Variants in GRID1 observed in about 807,000 individuals in gnomAD.
GRID1 encodes the protein glutamate ionotropic receptor delta type subunit 1.
A neutral mutation model predicts 98.0 loss-of-function variants in GRID1; 28 were observed. The ratio of observed to expected loss-of-function variants is 0.29; its 90% CI spans 0.21 to 0.39. GRID1 has a LOEUF of 0.39. Ranked by LOEUF, GRID1 falls within the 10% of genes least tolerant of loss-of-function variation. The pLI, the probability that GRID1 is intolerant of heterozygous loss-of-function variation, is 1.00. For missense variants in GRID1, 1,111 were observed against 1,340.5 expected (o/e 0.83, Z 2.67); for synonymous variants, 553 against 538.5 (o/e 1.03, Z -0.37).
chr10:85,974,614 C>G (rs1250383157), intron 4 of GRID1, among the ~76,000 whole-genome samples: 2 of 152,174 alleles, frequency 1.3e-5, no homozygotes, highest in African/African-American at 4.8e-5. Context: ...GAGCACTATG[C>G]TAAATATGCT....
intron 4 of GRID1, among the ~76,000 whole-genome samples, chr10:86,106,098 A>G (rs561723134): frequency 6.6e-6 from 1 of 152,300 alleles, no homozygotes; most frequent in Non-Finnish European, 1.5e-5. Flanking sequence ...GAGCTCCCCA[A>G]GTGTCTGTCC....
intron 5 of GRID1, among the ~76,000 whole-genome samples, chr10:85,877,711 C>T (rs1032246413): frequency 4.6e-5 from 7 of 152,224 alleles, no homozygotes; most frequent in African/African-American, 1.7e-4. Context: ...AAAAGCAGAG[C>T]ACCTCTCCTC....
chr10:85,765,681 A>G (rs1590221758), intron 8 of GRID1, among the ~76,000 whole-genome samples: 1 of 152,252 alleles, frequency 6.6e-6, no homozygotes, highest in Non-Finnish European at 1.5e-5. Flanking sequence ...AAGATATCAC[A>G]TTATTTATAT....
At chr10:86,030,839 G>A (rs1212357807) in intron 4 of GRID1, among the ~76,000 whole-genome samples, 1 of 152,204 alleles carries the variant, frequency 6.6e-6, no homozygotes, top group African/African-American at 2.4e-5. Context: ...AGACAAGCAA[G>A]CTGGGAGCTT....
chr10:85,996,044 A>G (rs185172338), intron 4 of GRID1, among the ~76,000 whole-genome samples: 2 of 152,380 alleles, frequency 1.3e-5, no homozygotes, highest in Admixed American at 1.3e-4. Flanking sequence ...ACCTGAGCTG[A>G]CATTGGTAAC....
At chr10:85,719,917 C>T (rs1197858722) in intron 12 of GRID1, among the ~76,000 whole-genome samples, 5 of 151,938 alleles carry the variant, frequency 3.3e-5, no homozygotes, top group African/African-American at 1.2e-4. Context: ...AAGAATGATC[C>T]GTGAAAGAAC....
At chr10:85,966,262 C>T (rs996316968) in intron 4 of GRID1, among the ~76,000 whole-genome samples, 24 of 152,206 alleles carry the variant, frequency 1.6e-4, no homozygotes, top group African/African-American at 5.5e-4. Flanking sequence ...CTGGCCAAAA[C>T]CTTAAAAGGA....
intron 4 of GRID1, among the ~76,000 whole-genome samples, chr10:86,007,402 C>A (rs1448863068): frequency 6.6e-6 from 1 of 152,056 alleles, no homozygotes; most frequent in African/African-American, 2.4e-5. Flanking sequence ...CGCTCCGCAC[C>A]CCCCCACCTC....
chr10:86,350,204 G>T (rs1240728930), intron 2 of GRID1, among the ~76,000 whole-genome samples: 1 of 152,230 alleles, frequency 6.6e-6, no homozygotes, highest in African/African-American at 2.4e-5. Context: ...ACACAGGTAA[G>T]TTCAGCTTTT....
In GRID1 at chr10:85,826,053, G is replaced by A. The variant is rs181542917; in HGVS notation, c.1233+28443C>T. On this transcript the variant is annotated intron_variant, in intron 8 of 15. Coordinates refer to ENST00000327946, the MANE Select transcript of GRID1 (RefSeq NM_017551.3). ...ATAAATACCCGCAATCAGGCTAGGC[G>A]CGTTGGCTCACGCCTGTAATCCCAA... Among the ~76,000 whole-genome samples the A allele has an allele frequency of 6.1e-4, 93 of 152,256 alleles. 1 individual carries two copies. Among genetic ancestry groups the A allele is most frequent in the Middle Eastern group, 3.4e-3 (1 of 294 alleles).
chr10:85,864,199 G>A lies in GRID1; in HGVS notation c.951+4811C>T, dbSNP rs546255364. Among the ~76,000 whole-genome samples, 8 of 152,320 alleles carry A rather than the reference G, an allele frequency of 5.3e-5. No individual in the cohort carries two copies. The East Asian group carries it at 1.5e-3, about 29-fold the overall frequency. ...AGCTGACAGAGGGATCAGCGGGGAG[G>A]ACAAGTTGACACCCAGATGTCACAG... On this transcript the variant is annotated intron_variant, in intron 6 of 15. Coordinates refer to ENST00000327946, the MANE Select transcript of GRID1 (RefSeq NM_017551.3).
At chr10:86,299,647 A>C (rs1015794725) in intron 2 of GRID1, among the ~76,000 whole-genome samples, 1 of 152,180 alleles carries the variant, frequency 6.6e-6, no homozygotes, top group East Asian at 1.9e-4. Context: ...GTGGGCAATA[A>C]GATTTCAATA....
At chr10:85,879,806 C>A (rs1243805965) in intron 5 of GRID1, among the ~76,000 whole-genome samples, 1 of 152,058 alleles carries the variant, frequency 6.6e-6, no homozygotes, top group Non-Finnish European at 1.5e-5. Context: ...ACACAAAAAA[C>A]CCTTCAAAAA....
At chr10:86,305,191 C>T (rs1847742538) in intron 2 of GRID1, among the ~76,000 whole-genome samples, 1 of 151,890 alleles carries the variant, frequency 6.6e-6, no homozygotes, top group Non-Finnish European at 1.5e-5. Flanking sequence ...GCAACATCAA[C>T]TCTCCCCAGG....
At chr10:85,705,795 G>C (rs1033417523) in intron 12 of GRID1, among the ~76,000 whole-genome samples, 6 of 152,256 alleles carry the variant, frequency 3.9e-5, no homozygotes, top group African/African-American at 1.4e-4. Flanking sequence ...TGGGATGCAA[G>C]GCTGGTTAAA....
At chr10:86,216,432 T>C (rs780259557) in intron 2 of GRID1, among the ~76,000 whole-genome samples, 1 of 152,178 alleles carries the variant, frequency 6.6e-6, no homozygotes, top group African/African-American at 2.4e-5. Context: ...GGAACTTATG[T>C]TAGGAATGAG....
intron 8 of GRID1, among the ~76,000 whole-genome samples, chr10:85,841,845 G>A (rs1370898240): frequency 6.6e-6 from 1 of 152,030 alleles, no homozygotes; most frequent in African/African-American, 2.4e-5. Flanking sequence ...GCAAGGTTAT[G>A]GAGAAAAGGG....
intron 2 of GRID1, among the ~76,000 whole-genome samples, chr10:86,336,710 A>G (rs866815320): frequency 2.0e-5 from 3 of 152,244 alleles, no homozygotes; most frequent in Admixed American, 1.3e-4. Flanking sequence ...CAACACGCAG[A>G]GTCATAACCA....
At chr10:86,252,002 A>G (rs892517702) in intron 2 of GRID1, among the ~76,000 whole-genome samples, 1 of 152,154 alleles carries the variant, frequency 6.6e-6, no homozygotes, top group African/African-American at 2.4e-5. Flanking sequence ...CATCCTCACT[A>G]TCACTTGCAG....
Sources: gnomAD v4.1 joint callset for allele counts (sites outside exome capture counted in the v4.1 genomes callset) on GRCh38, gnomAD v4.1.1 for gene constraint, MANE v1.5 for transcripts, NCBI Gene and HGNC (gene_info 2026-07-23, HGNC 2026-07-21) for gene names.